GRK3: variants seen among roughly 807,000 people sequenced by gnomAD.
The protein encoded by GRK3 is adrenergic, beta, receptor kinase 2.
Under a neutral mutation model 95.7 loss-of-function variants are expected in GRK3, and 54 were observed. That is an observed-to-expected ratio of 0.56 (90% CI 0.45 to 0.71). GRK3 has a LOEUF of 0.71. GRK3 is among the 30% of genes least tolerant of loss of function. The pLI is 0.00. For synonymous variants in GRK3, 281 were observed against 290.8 expected, an observed-to-expected ratio of 0.97 and a Z score of 0.34; for missense variants, 649 against 851.2, an observed-to-expected ratio of 0.76 and a Z score of 2.96.
chr22:25,660,549 G>A (rs1038096975), intron 3 of GRK3, among the ~76,000 whole-genome samples: 11 of 152,114 alleles, frequency 7.2e-5, no homozygotes, highest in African/African-American at 1.9e-4. Context: ...AGTGTTTCAC[G>A]TACCCTTTTT....
chr22:25,677,736 G>A (rs113736116), intron 8 of GRK3, among the ~76,000 whole-genome samples: 9 of 152,324 alleles, frequency 5.9e-5, no homozygotes, highest in African/African-American at 2.2e-4. Flanking sequence ...GCAGATCCGG[G>A]CTGAAGGAAG....
At chr22:25,570,110 G>A (rs746373525) in intron 1 of GRK3, among the ~76,000 whole-genome samples, 10 of 152,134 alleles carry the variant, frequency 6.6e-5, no homozygotes, top group Admixed American at 1.3e-4. Flanking sequence ...ATCCTTTTTC[G>A]TACTCTCCCG....
chr22:25,688,016 C>G (rs753654997), intron 11 of GRK3, among the ~76,000 whole-genome samples: 1 of 152,140 alleles, frequency 6.6e-6, no homozygotes, highest in Non-Finnish European at 1.5e-5. Context: ...GAGGGCGGAT[C>G]ACAAGGTCAG....
intron 2 of GRK3, among the ~76,000 whole-genome samples, chr22:25,628,430 G>A (rs902991488): frequency 3.9e-5 from 6 of 152,164 alleles, no homozygotes; most frequent in African/African-American, 1.4e-4. Flanking sequence ...TTTTGTAAAA[G>A]CAAAATATTT....
intron 1 of GRK3, among the ~76,000 whole-genome samples, chr22:25,570,267 A>G (rs551289376): frequency 1.3e-5 from 2 of 152,218 alleles, no homozygotes; most frequent in Admixed American, 6.5e-5. Context: ...AAGTCATGCA[A>G]TCTTGCTGGT....
intron 10 of GRK3, among the ~76,000 whole-genome samples, chr22:25,686,311 A>G (rs1368256122): frequency 6.6e-6 from 1 of 152,156 alleles, no homozygotes; most frequent in Non-Finnish European, 1.5e-5. Flanking sequence ...CACCAAACAC[A>G]GCAGCATCTA....
rs1310679733 is a variant in GRK3, at chr22:25,725,809, C to T, written c.*3359C>T. The T allele has an allele frequency of 1.6e-5, 6 of 364,376 alleles. No individual in the cohort carries two copies. Among genetic ancestry groups the T allele is most frequent in the East Asian group, 7.9e-5 (2 of 25,452 alleles). 22.6% of individuals were successfully genotyped at this position (364,376 alleles called of 1,614,324 possible). The stretch of plus-strand genomic sequence containing the variant: ...AAAATACAAATAAAAATTAGCCGGG[C>T]GTGGTGGCGGGCGCCTGTAGTCCCA... On this transcript the variant is annotated 3_prime_UTR_variant, in exon 21 of 21. Coordinates refer to ENST00000324198, the MANE Select transcript of GRK3 (RefSeq NM_005160.4).
chr22:25,576,099 A>G (rs1323631806), intron 1 of GRK3, among the ~76,000 whole-genome samples: 1 of 152,180 alleles, frequency 6.6e-6, no homozygotes, highest in East Asian at 1.9e-4. Flanking sequence ...GCTACACTAT[A>G]ACTAGAATGT....
In GRK3 at chr22:25,720,467, C is replaced by CTTT. The variant is rs963248407; in HGVS notation, c.1792-792_1792-790dup. 1.9e-3 allele frequency among the ~76,000 whole-genome samples: 193 copies of CTTT among 102,570 alleles called. 5 individuals carry two copies. Among genetic ancestry groups the CTTT allele is most frequent in the African/African-American group, 4.8e-3 (123 of 25,892 alleles). 67.3% of individuals were successfully genotyped at this position (102,570 alleles called of 152,430 possible). On this transcript the variant is annotated intron_variant, in intron 19 of 20. Coordinates refer to ENST00000324198, the MANE Select transcript of GRK3 (RefSeq NM_005160.4). ...TCACTTTAAGGAATAATACTATAGA[C>CTTT]TTTTTTTTTTTTTTTTTTTTTTTTT...
intron 3 of GRK3, among the ~76,000 whole-genome samples, chr22:25,655,107 C>A (rs956168385): frequency 6.6e-6 from 1 of 152,078 alleles, no homozygotes; most frequent in Non-Finnish European, 1.5e-5. Flanking sequence ...TGATTTGTGA[C>A]CCCAATCTCT....
At position 25,718,180 on chromosome 22, in the gene GRK3, A is replaced by G. The variant is rs2085401781; in HGVS notation, c.1655-65A>G. ...AAGCATGTCTGTTCTTTTTTCAGAGAATAATGCTGCTAAGACATTTTGTTT... is the reference window on the plus strand; with the variant it reads ...AAGCATGTCTGTTCTTTTTTCAGAGGATAATGCTGCTAAGACATTTTGTTT... On this transcript the variant is annotated intron_variant, in intron 18 of 20. Coordinates refer to ENST00000324198, the MANE Select transcript of GRK3 (RefSeq NM_005160.4). 5 of 1,532,024 alleles carry G rather than the reference A, an allele frequency of 3.3e-6. No individual in the cohort carries two copies. The South Asian group carries it at 3.6e-5, about 11-fold the overall frequency. 94.9% of individuals were successfully genotyped at this position (1,532,024 alleles called of 1,614,324 possible). A position where few individuals can be genotyped will look rare whatever the true frequency, so the allele number is the denominator to read the frequency against.
At chr22:25,616,853 T>A (rs1422472093) in intron 2 of GRK3, among the ~76,000 whole-genome samples, 4 of 152,344 alleles carry the variant, frequency 2.6e-5, no homozygotes, top group African/African-American at 9.6e-5. Flanking sequence ...TGTTTATGCC[T>A]CTTGGAATTA....
chr22:25,596,042 A>AACC (rs1342739207), intron 1 of GRK3, among the ~76,000 whole-genome samples: 1 of 152,346 alleles, frequency 6.6e-6, no homozygotes, highest in East Asian at 1.9e-4. Flanking sequence ...GGTATATAAG[A>AACC]ACCACCACCA....
chr22:25,700,381 C>T (rs1309164772), intron 13 of GRK3, among the ~76,000 whole-genome samples: 2 of 152,172 alleles, frequency 1.3e-5, no homozygotes, highest in Non-Finnish European at 2.9e-5. Context: ...ACAGTGGCCT[C>T]GATCTTAAGC....
chr22:25,573,974 A>G (rs181069923), intron 1 of GRK3, among the ~76,000 whole-genome samples: 1 of 152,180 alleles, frequency 6.6e-6, no homozygotes, highest in Non-Finnish European at 1.5e-5. Flanking sequence ...ACCACCACCA[A>G]CAACAAAAAC....
chr22:25,620,610 C>G (rs1377608152), intron 2 of GRK3, among the ~76,000 whole-genome samples: 3 of 152,146 alleles, frequency 2.0e-5, no homozygotes, highest in Non-Finnish European at 2.9e-5. Flanking sequence ...AACATTCCTC[C>G]CAGTGGAGAC....
intron 1 of GRK3, among the ~76,000 whole-genome samples, chr22:25,598,234 C>T (rs1314022248): frequency 2.0e-5 from 3 of 151,900 alleles, no homozygotes; most frequent in East Asian, 1.9e-4. Context: ...GTATTGTAAA[C>T]CCTAGAGCAA....
At chr22:25,696,022 A>G (rs898393714) in intron 13 of GRK3, among the ~76,000 whole-genome samples, 4 of 152,000 alleles carry the variant, frequency 2.6e-5, no homozygotes, top group Non-Finnish European at 5.9e-5. Flanking sequence ...TTTTCAGTAG[A>G]GACGGGGTTT....
chr22:25,639,401 T>A (rs1204015785), intron 2 of GRK3, among the ~76,000 whole-genome samples: 1 of 152,194 alleles, frequency 6.6e-6, no homozygotes, highest in Non-Finnish European at 1.5e-5. Flanking sequence ...TTTTTCCCCA[T>A]ATGGATATCA....
Sources: gnomAD v4.1 joint callset for allele counts (sites outside exome capture counted in the v4.1 genomes callset) on GRCh38, gnomAD v4.1.1 for gene constraint, MANE v1.5 for transcripts, NCBI Gene and HGNC (gene_info 2026-07-23, HGNC 2026-07-21) for gene names.